The following PLEKHM3 variants were observed in gnomAD, a reference collection of about 807,000 sequenced individuals.
PLEKHM3 encodes the protein pleckstrin homology domain containing M3, also known as pleckstrin homology domain-containing family M member 3.
A neutral mutation model predicts 81.8 loss-of-function variants in PLEKHM3; 45 were observed. The ratio of observed to expected loss-of-function variants is 0.55; its 90% CI spans 0.43 to 0.71. The LOEUF (loss-of-function observed/expected upper bound fraction) is 0.71. PLEKHM3 is among the 30% of genes least tolerant of loss of function. The probability of loss-of-function intolerance (pLI) is 0.00; values close to 1 mark genes in which losing one functional copy is unlikely to be tolerated. For synonymous variants in PLEKHM3, 352 were observed against 356.4 expected, an observed-to-expected ratio of 0.99 and a Z score of 0.14; for missense variants, 788 against 924.3, an observed-to-expected ratio of 0.85 and a Z score of 1.91.
At chr2:207,922,509 A>G (rs895791763) in intron 5 of PLEKHM3, among the ~76,000 whole-genome samples, 49 of 152,158 alleles carry the variant, frequency 3.2e-4, no homozygotes, top group Admixed American at 3.1e-3. Flanking sequence ...ATACATAAGG[A>G]GATGAAAACC....
chr2:208,001,337 T>G lies in PLEKHM3; in HGVS notation c.303A>C (p.Thr101=), dbSNP rs762613266. 6 of 1,614,234 alleles carry G rather than the reference T, an allele frequency of 3.7e-6. No homozygotes were observed. Among genetic ancestry groups the G allele is most frequent in the Non-Finnish European group, 3.4e-6 (4 of 1,180,042 alleles). ...CCATCCAGGAAAGATTATCTGGGGT[T>G]GTCCCTCTCTGGACCATAAACTGTT... is the stretch of plus-strand genomic sequence containing the variant. ...AKEQFMVQRG[T]TPDNLSWMEQ... Residue 101 remains threonine, a synonymous_variant, in exon 2 of 8, where the codon ACA becomes ACC. Transcript: ENST00000427836.
chr2:207,903,093 T>C (rs1465319459), intron 6 of PLEKHM3, among the ~76,000 whole-genome samples: 4 of 152,150 alleles, frequency 2.6e-5, no homozygotes, highest in African/African-American at 9.7e-5. Context: ...TTCCAGACTT[T>C]CCTGTCCTTT....
At chr2:207,956,714 T>G (rs1237317815) in intron 3 of PLEKHM3, among the ~76,000 whole-genome samples, 3 of 130,702 alleles carry the variant, frequency 2.3e-5, no homozygotes, top group Non-Finnish European at 4.8e-5. Context: ...CCTGGCTGAT[T>G]AAAATTTTTT....
chr2:207,947,468 G>A (rs540179041), intron 3 of PLEKHM3, among the ~76,000 whole-genome samples: 67 of 152,332 alleles, frequency 4.4e-4, no homozygotes, highest in African/African-American at 1.6e-3. Flanking sequence ...ACCTTCTACT[G>A]AGTATGTAAA....
chr2:207,964,835 A>T (rs1690860292), intron 3 of PLEKHM3, among the ~76,000 whole-genome samples: 1 of 152,238 alleles, frequency 6.6e-6, no homozygotes. Flanking sequence ...AGCCATACAT[A>T]CAGGCATTTA....
At chr2:207,981,598 T>C (rs1691525841) in intron 2 of PLEKHM3, among the ~76,000 whole-genome samples, 1 of 152,172 alleles carries the variant, frequency 6.6e-6, no homozygotes, top group Non-Finnish European at 1.5e-5. Context: ...CCTCCCACTT[T>C]GGCCTCCCAA....
At chr2:207,846,535 C>T (rs2092384043) in intron 7 of PLEKHM3, among the ~76,000 whole-genome samples, 1 of 151,626 alleles carries the variant, frequency 6.6e-6, no homozygotes, top group African/African-American at 2.4e-5. Flanking sequence ...GCCTGGGCAA[C>T]ATGGTGAAAC....
At chr2:207,907,746 T>A (rs1688660667) in intron 6 of PLEKHM3, among the ~76,000 whole-genome samples, 1 of 152,202 alleles carries the variant, frequency 6.6e-6, no homozygotes, top group Non-Finnish European at 1.5e-5. Context: ...GTTTTCAGAA[T>A]ATTCACAAGA....
intron 3 of PLEKHM3, among the ~76,000 whole-genome samples, chr2:207,971,867 C>T (rs541949370): frequency 2.6e-5 from 4 of 152,210 alleles, no homozygotes; most frequent in Admixed American, 6.5e-5. Flanking sequence ...TGCTCAAGAA[C>T]CTTCTGTGAC....
intron 7 of PLEKHM3, 107 bp from the exon 8 acceptor site, chr2:207,828,603 G>C: frequency 3.8e-6 from 4 of 1,065,428 alleles, no homozygotes; most frequent in South Asian, 3.2e-5. Flanking sequence ...TACTGTTCTG[G>C]ACAACCCTGC....
At chr2:207,984,120 T>C (rs1358458911) in intron 2 of PLEKHM3, among the ~76,000 whole-genome samples, 2 of 152,242 alleles carry the variant, frequency 1.3e-5, no homozygotes, top group Non-Finnish European at 2.9e-5. Flanking sequence ...GTACTCATTG[T>C]TCAGTTTTAA....
chr2:207,878,174 G>A (rs1400047938), intron 6 of PLEKHM3, among the ~76,000 whole-genome samples: 1 of 152,140 alleles, frequency 6.6e-6, no homozygotes, highest in East Asian at 1.9e-4. Context: ...ATGGGATCAA[G>A]TGATCCTCCT....
intron 3 of PLEKHM3, among the ~76,000 whole-genome samples, chr2:207,972,175 A>C (rs1251876795): frequency 6.6e-6 from 1 of 152,192 alleles, no homozygotes; most frequent in African/African-American, 2.4e-5. Flanking sequence ...GCACACAATA[A>C]ATGACAGAAT....
intron 1 of PLEKHM3, among the ~76,000 whole-genome samples, chr2:208,016,666 A>ATACACAC (rs1468410522): frequency 2.6e-4 from 9 of 34,052 alleles, no homozygotes; most frequent in Admixed American, 4.4e-4. Context: ...AAAAAAAAAA[A>ATACACAC]AAATACACAC....
intron 6 of PLEKHM3, among the ~76,000 whole-genome samples, chr2:207,869,358 T>A (rs1196544819): frequency 6.6e-6 from 1 of 152,184 alleles, no homozygotes; most frequent in Non-Finnish European, 1.5e-5. Flanking sequence ...TTCCCCCATT[T>A]CCTTGCTTCC....
chr2:207,960,402 G>A (rs887627507), intron 3 of PLEKHM3, among the ~76,000 whole-genome samples: 1 of 152,188 alleles, frequency 6.6e-6, no homozygotes, highest in South Asian at 2.1e-4. Flanking sequence ...TCAGGAAGCA[G>A]GTTTCTGTCT....
chr2:208,009,092 G>T (rs908020184), intron 1 of PLEKHM3, among the ~76,000 whole-genome samples: 1 of 152,186 alleles, frequency 6.6e-6, no homozygotes, highest in Non-Finnish European at 1.5e-5. Context: ...GGGCACCAGG[G>T]AAACCCTTCG....
chr2:208,002,056 T>C, intron 1 of PLEKHM3, 99 bp from the exon 2 acceptor site: 2 of 181,012 alleles, frequency 1.1e-5, no homozygotes, highest in East Asian at 2.9e-4. Context: ...GCCCGTTCTA[T>C]GGTACTCAAG....
intron 4 of PLEKHM3, among the ~76,000 whole-genome samples, chr2:207,939,998 T>C (rs1689885241): frequency 6.6e-6 from 1 of 152,180 alleles, no homozygotes; most frequent in Non-Finnish European, 1.5e-5. Context: ...AGACAGGTAA[T>C]GTGCACTTGG....
Sources: gnomAD v4.1 joint callset for allele counts (sites outside exome capture counted in the v4.1 genomes callset) on GRCh38, gnomAD v4.1.1 for gene constraint, MANE v1.5 for transcripts, NCBI Gene and HGNC (gene_info 2026-07-23, HGNC 2026-07-21) for gene names.